CLASP2: variants seen among roughly 807,000 people sequenced by gnomAD.
The protein encoded by CLASP2 is CLIP-associating protein 2.
In CLASP2, 47 loss-of-function variants were observed where a neutral mutation model predicts 194.4. The ratio of observed to expected loss-of-function variants is 0.24; its 90% CI spans 0.19 to 0.31. CLASP2 has a LOEUF of 0.31. Ranked by LOEUF, CLASP2 falls within the 10% of genes least tolerant of loss-of-function variation. CLASP2 has a pLI of 1.00. For missense variants in CLASP2, 1,445 were observed against 1,823.6 expected (o/e 0.79, Z 3.78); for synonymous variants, 619 against 633.5 (o/e 0.98, Z 0.34).
chr3:33,686,610 T>C (rs931764020), intron 5 of CLASP2, among the ~76,000 whole-genome samples: 2 of 152,196 alleles, frequency 1.3e-5, no homozygotes, highest in Admixed American at 1.3e-4. Context: ...GCCGCTGGTA[T>C]AGACAGTTCA....
intron 7 of CLASP2, chr3:33,645,369 T>C (rs1156344241): frequency 3.9e-6 from 3 of 764,080 alleles, no homozygotes; most frequent in Non-Finnish European, 7.2e-6. Context: ...ATAGTTCACA[T>C]GGCCAAATAC....
At chr3:33,711,057 T>C (rs187486621) in intron 1 of CLASP2, among the ~76,000 whole-genome samples, 4 of 152,240 alleles carry the variant, frequency 2.6e-5, no homozygotes, top group Admixed American at 6.5e-5. Context: ...AGATGTAGAA[T>C]AGTTGTTTAA....
intron 37 of CLASP2, chr3:33,504,884 G>C (rs1174890121): frequency 5.9e-5 from 9 of 151,804 alleles, no homozygotes; most frequent in African/African-American, 2.2e-4. Context: ...ACCTCCTGCT[G>C]TGTGGCCCAG....
At chr3:33,525,243 G>C (rs190101164) in intron 34 of CLASP2, among the ~76,000 whole-genome samples, 52 of 152,228 alleles carry the variant, frequency 3.4e-4, no homozygotes, top group Non-Finnish European at 5.1e-4. Context: ...AAAACTTATG[G>C]AACACAGTGA....
At chr3:33,594,173 T>C (rs964515620) in intron 20 of CLASP2, among the ~76,000 whole-genome samples, 2 of 152,152 alleles carry the variant, frequency 1.3e-5, no homozygotes, top group Non-Finnish European at 2.9e-5. Context: ...AGTATTCCAA[T>C]TTAAAACTTA....
chr3:33,511,117 C>CA (rs2049630754), intron 36 of CLASP2, among the ~76,000 whole-genome samples: 1 of 150,084 alleles, frequency 6.7e-6, no homozygotes, highest in Non-Finnish European at 1.5e-5. Context: ...ACTATAGCCT[C>CA]AAACTCCCAG....
intron 7 of CLASP2, among the ~76,000 whole-genome samples, chr3:33,661,669 A>G (rs1037003409): frequency 3.3e-5 from 5 of 152,342 alleles, no homozygotes; most frequent in South Asian, 2.1e-4. Context: ...TGAAATGCCT[A>G]TTAGGCAGCC....
rs912034453 is a variant in CLASP2 at position 33,539,005 on chromosome 3, G to C, written c.3405-63C>G. ...GTTTTAAAATACAAACACATCTGAGGAGATTATATAAGGATATTTATAAAG... is the reference window on the plus strand; with the variant it reads ...GTTTTAAAATACAAACACATCTGAGCAGATTATATAAGGATATTTATAAAG... On this transcript the variant is annotated intron_variant, in intron 32 of 38. Transcript: ENST00000682230. 11 of 1,162,768 alleles carry C rather than the reference G, an allele frequency of 9.5e-6. No homozygotes were observed. The African/African-American group carries it at 1.7e-4, about 18-fold the overall frequency. The allele number at this position is 1,162,768 out of a possible 1,614,324, so 72.0% of individuals were successfully genotyped here. A position where few individuals can be genotyped will look rare whatever the true frequency, so the allele number is the denominator to read the frequency against.
intron 33 of CLASP2, 149 bp from the exon 34 acceptor site, chr3:33,535,610 A>G: frequency 1.6e-6 from 1 of 634,982 alleles, no homozygotes; most frequent in African/African-American, 1.8e-5. Flanking sequence ...GGCAATCAAC[A>G]TTATGAGTTA....
At chr3:33,659,108 G>A (rs2084837673) in intron 7 of CLASP2, 21 of 1,469,918 alleles carry the variant, frequency 1.4e-5, no homozygotes, top group Non-Finnish European at 1.9e-5. Context: ...AGCACTGTGT[G>A]ACCCAGGCCT....
chr3:33,574,329 T>C (rs549021620), intron 24 of CLASP2: 3 of 560,720 alleles, frequency 5.4e-6, no homozygotes, highest in South Asian at 2.6e-5. Context: ...TCTCTCTCGA[T>C]AACCATATTT....
intron 2 of CLASP2, 78 bp downstream of exon 2, chr3:33,696,777 T>C (rs1224571255): frequency 1.0e-6 from 1 of 975,834 alleles, no homozygotes; most frequent in Non-Finnish European, 1.6e-6. Context: ...GAGAACTATT[T>C]CTGCTAAATA....
At chr3:33,581,015 C>CAAAAAAAAAAAAAAAAAAAAAAAA (rs34304858) in intron 23 of CLASP2, among the ~76,000 whole-genome samples, 2 of 57,752 alleles carry the variant, frequency 3.5e-5, no homozygotes, top group African/African-American at 6.5e-5. Flanking sequence ...GACTCCGTCT[C>CAAAAAAAAAAAAAAAAAAAAAAAA]AAAAAAAAAA....
chr3:33,674,312 T>C (rs999608853), intron 6 of CLASP2, among the ~76,000 whole-genome samples: 1 of 151,918 alleles, frequency 6.6e-6, no homozygotes, highest in African/African-American at 2.4e-5. Context: ...CTCAACTACA[T>C]GGAAACTGAA....
intron 34 of CLASP2, among the ~76,000 whole-genome samples, chr3:33,534,265 T>A (rs920189135): frequency 1.3e-5 from 2 of 152,128 alleles, no homozygotes; most frequent in Non-Finnish European, 2.9e-5. Context: ...GTTTCCTTAT[T>A]ATAAAAAATA....
chr3:33,537,441 T>C (rs530609888), intron 33 of CLASP2, among the ~76,000 whole-genome samples: 2 of 152,326 alleles, frequency 1.3e-5, no homozygotes, highest in South Asian at 2.1e-4. Flanking sequence ...CAATGTTCTG[T>C]AACTTTGCAA....
intron 16 of CLASP2, 79 bp from the exon 17 acceptor site, chr3:33,604,288 T>A (rs1012794500): frequency 1.1e-6 from 1 of 938,908 alleles, no homozygotes; most frequent in Non-Finnish European, 1.6e-6. Flanking sequence ...TACTACTGAA[T>A]TTTGTGGAAA....
At chr3:33,545,655 C>T (rs1406303966) in intron 30 of CLASP2, among the ~76,000 whole-genome samples, 1 of 152,086 alleles carries the variant, frequency 6.6e-6, no homozygotes, top group African/African-American at 2.4e-5. Context: ...TGCAGTGGCT[C>T]ACACTGCACT....
intron 23 of CLASP2, among the ~76,000 whole-genome samples, chr3:33,580,194 TG>T (rs981964171): frequency 6.6e-6 from 1 of 152,192 alleles, no homozygotes; most frequent in African/African-American, 2.4e-5. Context: ...CTAGCTTTAA[TG>T]GGGTTTTCTA....
Sources: allele counts gnomAD v4.1 joint callset (sites outside exome capture counted in the v4.1 genomes callset), GRCh38; gene constraint gnomAD v4.1.1; transcripts MANE v1.5; gene names NCBI Gene and HGNC (gene_info 2026-07-23, HGNC 2026-07-21).